FRMD4A: variants seen among roughly 807,000 people sequenced by gnomAD.
The protein encoded by FRMD4A is FERM domain containing 4A.
A neutral mutation model predicts 129.1 loss-of-function variants in FRMD4A; 29 were observed. The observed-to-expected ratio is 0.22, with a 90% CI of 0.17 to 0.31. The LOEUF (loss-of-function observed/expected upper bound fraction) is 0.31, where lower values mean the gene tolerates loss of function less well. Among genes scored for constraint, FRMD4A ranks in the 10% least tolerant of loss-of-function variants. The pLI, the probability that FRMD4A is intolerant of heterozygous loss-of-function variation, is 1.00. For synonymous variants in FRMD4A, 634 were observed against 571.6 expected (o/e 1.11, Z -1.56); for missense variants, 1,272 against 1,375.8 (o/e 0.92, Z 1.19).
intron 8 of FRMD4A, among the ~76,000 whole-genome samples, chr10:13,751,645 T>C (rs752635952): frequency 2.0e-5 from 3 of 152,224 alleles, no homozygotes; most frequent in African/African-American, 4.8e-5. Flanking sequence ...CCAGAGTTCA[T>C]GACATATGAT....
chr10:14,007,812 C>T (rs2095667442), intron 2 of FRMD4A, among the ~76,000 whole-genome samples: 1 of 152,134 alleles, frequency 6.6e-6, no homozygotes, highest in Non-Finnish European at 1.5e-5. Flanking sequence ...AATCTTTTCC[C>T]TCATATTTCA....
chr10:14,292,450 C>T (rs1670509227), intron 2 of FRMD4A, among the ~76,000 whole-genome samples: 1 of 152,196 alleles, frequency 6.6e-6, no homozygotes, highest in Non-Finnish European at 1.5e-5. Context: ...CCTTAAATGG[C>T]ATATCCTCCT....
intron 2 of FRMD4A, among the ~76,000 whole-genome samples, chr10:14,158,863 AG>A: frequency 6.6e-6 from 1 of 151,456 alleles, no homozygotes; most frequent in South Asian, 2.1e-4. Context: ...GAGGAGGAGG[AG>A]GAGGAGGAGG....
chr10:14,294,972 T>C (rs1460335056), intron 2 of FRMD4A, among the ~76,000 whole-genome samples: 1 of 152,212 alleles, frequency 6.6e-6, no homozygotes, highest in East Asian at 1.9e-4. Flanking sequence ...TGGGATTCCC[T>C]GCTTTTTTTT....
intron 2 of FRMD4A, among the ~76,000 whole-genome samples, chr10:13,986,883 T>G (rs1193770829): frequency 1.3e-5 from 2 of 151,938 alleles, no homozygotes; most frequent in Non-Finnish European, 2.9e-5. Flanking sequence ...GTTCTTCAAT[T>G]CACAATGGAA....
intron 2 of FRMD4A, among the ~76,000 whole-genome samples, chr10:13,869,319 G>A (rs1273590949): frequency 3.9e-5 from 6 of 152,244 alleles, no homozygotes; most frequent in East Asian, 1.9e-4. Context: ...TCCTGAGGGC[G>A]TTATGGCATC....
chr10:13,861,333 A>G (rs2094291984), intron 2 of FRMD4A, among the ~76,000 whole-genome samples: 1 of 152,222 alleles, frequency 6.6e-6, no homozygotes, highest in Admixed American at 6.5e-5. Context: ...AACATATCCA[A>G]AGCTGTCATG....
chr10:13,993,296 C>T (rs75844481), intron 2 of FRMD4A, among the ~76,000 whole-genome samples: 2 of 152,258 alleles, frequency 1.3e-5, no homozygotes, highest in East Asian at 1.9e-4. Context: ...GTTTAGCCAA[C>T]GTTTCCATCA....
intron 8 of FRMD4A, among the ~76,000 whole-genome samples, chr10:13,760,601 T>A (rs1272943555): frequency 6.6e-6 from 1 of 152,124 alleles, no homozygotes; most frequent in Non-Finnish European, 1.5e-5. Flanking sequence ...AGTTGAGACC[T>A]GAAAAACCAG....
intron 5 of FRMD4A, among the ~76,000 whole-genome samples, chr10:13,785,967 C>A (rs746119004): frequency 2.5e-4 from 38 of 152,194 alleles, no homozygotes; most frequent in Non-Finnish European, 5.0e-4. Context: ...TTTTTTGTGG[C>A]CGCATAGTAT....
intron 2 of FRMD4A, among the ~76,000 whole-genome samples, chr10:13,991,261 A>C (rs1031943100): frequency 6.6e-6 from 1 of 152,256 alleles, no homozygotes; most frequent in African/African-American, 2.4e-5. Context: ...GGAGGCTTCC[A>C]ACATCCTGGT....
intron 2 of FRMD4A, among the ~76,000 whole-genome samples, chr10:14,062,207 A>C (rs1834846772): frequency 6.6e-6 from 1 of 152,258 alleles, no homozygotes; most frequent in Non-Finnish European, 1.5e-5. Context: ...AGAGCCAATA[A>C]GATGTGATAT....
chr10:13,977,073 GATTT>G (rs1304779710), intron 2 of FRMD4A, among the ~76,000 whole-genome samples: 1 of 152,170 alleles, frequency 6.6e-6, no homozygotes, highest in African/African-American at 2.4e-5. Flanking sequence ...ATCAATAGCC[GATTT>G]ATTCCAAAGT....
intron 9 of FRMD4A, chr10:13,744,753 T>G (rs976985693): frequency 6.6e-6 from 1 of 152,234 alleles, no homozygotes; most frequent in African/African-American, 2.4e-5. Context: ...GTAACTGTGA[T>G]GAGACGGGTA....
intron 2 of FRMD4A, among the ~76,000 whole-genome samples, chr10:14,056,855 T>TA (rs1369883368): frequency 6.6e-6 from 1 of 152,236 alleles, no homozygotes; most frequent in African/African-American, 2.4e-5. Flanking sequence ...CTGTCATTCA[T>TA]AAATTTGAAA....
intron 12 of FRMD4A, among the ~76,000 whole-genome samples, chr10:13,719,355 A>G: frequency 6.6e-6 from 1 of 152,048 alleles, no homozygotes; most frequent in East Asian, 1.9e-4. Flanking sequence ...CCAGCAGCTC[A>G]TGGTCTCAAA....
chr10:14,218,811 C>T (rs1402553881), intron 2 of FRMD4A, among the ~76,000 whole-genome samples: 5 of 151,696 alleles, frequency 3.3e-5, no homozygotes, highest in South Asian at 2.1e-4. Context: ...AAAAATTAGC[C>T]GGGTGTGGTG....
At chr10:14,096,270 G>A (rs1045710791) in intron 2 of FRMD4A, among the ~76,000 whole-genome samples, 2 of 152,164 alleles carry the variant, frequency 1.3e-5, no homozygotes, top group African/African-American at 4.8e-5. Context: ...TGAGAAACGG[G>A]CCCTCACCAG....
At chr10:14,131,254 C>G (rs11816873) in intron 2 of FRMD4A, among the ~76,000 whole-genome samples, 1 of 152,174 alleles carries the variant, frequency 6.6e-6, no homozygotes, top group African/African-American at 2.4e-5. Context: ...CAAGGATGGG[C>G]AAAACCACCA....
Sources: allele counts gnomAD v4.1 joint callset (sites outside exome capture counted in the v4.1 genomes callset), GRCh38; gene constraint gnomAD v4.1.1; transcripts MANE v1.5; gene names NCBI Gene and HGNC (gene_info 2026-07-23, HGNC 2026-07-21).